NRG1: variants seen among roughly 807,000 people sequenced by gnomAD.
NRG1 encodes pro-neuregulin-1, membrane-bound isoform.
A neutral mutation model predicts 63.8 loss-of-function variants in NRG1; 18 were observed. The observed-to-expected ratio is 0.28, with a 90% CI of 0.19 to 0.42. NRG1 has a LOEUF of 0.42. Among genes scored for constraint, NRG1 ranks in the 10% least tolerant of loss-of-function variants. The pLI is 1.00. For missense variants in NRG1, 762 were observed against 814.7 expected (o/e 0.94, Z 0.79); for synonymous variants, 302 against 301.3 (o/e 1.00, Z -0.02).
chr8:31,809,115 A>T (rs1471486474), intron 1 of NRG1, among the ~76,000 whole-genome samples: 1 of 151,934 alleles, frequency 6.6e-6, no homozygotes, highest in Admixed American at 6.6e-5. Flanking sequence ...TAGAAATGGG[A>T]TATCTATACC....
At chr8:32,119,473 C>T (rs1442847500) in intron 1 of NRG1, among the ~76,000 whole-genome samples, 1 of 152,072 alleles carries the variant, frequency 6.6e-6, no homozygotes, top group Admixed American at 6.6e-5. Context: ...TCTTCTAAGT[C>T]AGTGTGGCAG....
chr8:32,334,950 G>A (rs563777013), intron 1 of NRG1, among the ~76,000 whole-genome samples: 2 of 152,202 alleles, frequency 1.3e-5, no homozygotes, highest in South Asian at 4.1e-4. Flanking sequence ...ACTTTCTTTG[G>A]TGGTCACTTT....
intron 5 of NRG1, among the ~76,000 whole-genome samples, chr8:32,723,265 T>TTCTTCC (rs948736980): frequency 2.4e-4 from 36 of 152,314 alleles, no homozygotes; most frequent in African/African-American, 8.7e-4. Flanking sequence ...AACTTCAGTG[T>TTCTTCC]TCATTTCAGT....
exon 1 of NRG1, chr8:32,548,774 G>T (rs1479355558): frequency 6.3e-7 from 1 of 1,590,888 alleles, no homozygotes; most frequent in Non-Finnish European, 8.5e-7. Context: ...GCAAGAAGAA[G>T]GAGCGAGGCT....
At position 32,201,060 on chromosome 8, in the gene NRG1, AACTT is replaced by A. The variant is rs1843455618; in HGVS notation, c.38-394763_38-394760del. The stretch of plus-strand genomic sequence containing the variant: ...GCCTTTCTTAGGTATATTTCAGGCC[AACTT>A]ACTTGTACCTTGTCCATACACTTGT... On this transcript the variant is annotated intron_variant, in intron 1 of 10. Transcript: ENST00000519301. 5.9e-5 allele frequency among the ~76,000 whole-genome samples: 9 copies of A among 152,252 alleles called. No individual in the cohort carries two copies. In the South Asian group the frequency reaches 1.9e-3, roughly 32 times the overall value.
At chr8:31,781,729 C>G (rs1443856207) in intron 1 of NRG1, among the ~76,000 whole-genome samples, 1 of 152,046 alleles carries the variant, frequency 6.6e-6, no homozygotes, top group Non-Finnish European at 1.5e-5. Context: ...TTATTTAACT[C>G]CAGTTTAGTA....
intron 1 of NRG1, among the ~76,000 whole-genome samples, chr8:31,722,653 A>G (rs1009392637): frequency 6.6e-6 from 1 of 152,054 alleles, no homozygotes; most frequent in Non-Finnish European, 1.5e-5. Context: ...TTATATATTG[A>G]CTCTCAAACA....
At chr8:32,586,927 G>T (rs1358661793) in intron 1 of NRG1, among the ~76,000 whole-genome samples, 1 of 152,164 alleles carries the variant, frequency 6.6e-6, no homozygotes, top group African/African-American at 2.4e-5. Context: ...GGCATAGGAG[G>T]TATGGTGGCT....
intron 1 of NRG1, among the ~76,000 whole-genome samples, chr8:32,303,097 A>C (rs1855769260): frequency 6.8e-6 from 1 of 147,456 alleles, no homozygotes; most frequent in East Asian, 2.1e-4. Flanking sequence ...CAGGAGAATC[A>C]CTTGAACCCG....
chr8:32,713,975 C>A (rs1229406520), intron 5 of NRG1, among the ~76,000 whole-genome samples: 2 of 151,930 alleles, frequency 1.3e-5, no homozygotes, highest in Non-Finnish European at 2.9e-5. Context: ...CAGGCACACA[C>A]CACCATGCCC....
intron 1 of NRG1, among the ~76,000 whole-genome samples, chr8:31,792,974 A>G (rs147093922): frequency 2.8e-3 from 421 of 152,342 alleles, no homozygotes; most frequent in South Asian, 0.017. Context: ...ATTCACAGGC[A>G]TCTGTCCACA....
intron 1 of NRG1, among the ~76,000 whole-genome samples, chr8:32,397,150 A>C (rs1009026470): frequency 6.6e-6 from 1 of 152,196 alleles, no homozygotes; most frequent in African/African-American, 2.4e-5. Flanking sequence ...ATAGATACAT[A>C]GATAGATAAT....
At chr8:32,688,417 C>G (rs1221801399) in intron 5 of NRG1, among the ~76,000 whole-genome samples, 2 of 152,066 alleles carry the variant, frequency 1.3e-5, no homozygotes, top group South Asian at 4.1e-4. Flanking sequence ...TCAAAAGCAG[C>G]TTTTTAAAAT....
At position 32,366,975 on chromosome 8, in the gene NRG1, G is replaced by A. The variant is rs1808148525; in HGVS notation, c.38-228853G>A. Among the ~76,000 whole-genome samples the A allele has an allele frequency of 7.2e-5, 11 of 152,074 alleles. No homozygotes were observed. In the South Asian group the frequency reaches 2.1e-3, roughly 29 times the overall value. On this transcript the variant is annotated intron_variant, in intron 1 of 10. Transcript: ENST00000519301. ...GATCTGCCTGCCTTGGCCTCCCAAA[G>A]TGCTGGGATTACAGGTGTGAGCCAC...
chr8:31,678,824 T>C (rs892988013), intron 1 of NRG1, among the ~76,000 whole-genome samples: 11 of 149,406 alleles, frequency 7.4e-5, no homozygotes, highest in Admixed American at 2.7e-4. Context: ...ATTTTAACTT[T>C]ATATTGATAT....
At chr8:31,897,939 C>T (rs1831720094) in intron 1 of NRG1, among the ~76,000 whole-genome samples, 1 of 150,648 alleles carries the variant, frequency 6.6e-6, no homozygotes, top group Admixed American at 6.6e-5. Flanking sequence ...ATCACTTGAA[C>T]CCCGGAGACA....
intron 1 of NRG1, among the ~76,000 whole-genome samples, chr8:32,178,904 C>T (rs549747224): frequency 5.7e-4 from 87 of 151,870 alleles, no homozygotes; most frequent in Middle Eastern, 6.8e-3. Flanking sequence ...AAAAAATCAC[C>T]GTTGTAGAAA....
At chr8:32,124,117 A>G (rs17620356) in intron 1 of NRG1, among the ~76,000 whole-genome samples, 2,138 of 152,104 alleles carry the variant, frequency 0.014, 28 homozygotes, top group South Asian at 0.059. Flanking sequence ...CATAAATGAC[A>G]TGTGACAACC....
At chr8:32,497,924 A>T (rs1202921498) in intron 1 of NRG1, among the ~76,000 whole-genome samples, 1 of 152,264 alleles carries the variant, frequency 6.6e-6, no homozygotes, top group Non-Finnish European at 1.5e-5. Flanking sequence ...CCCGGGTTCA[A>T]GTGATTCTCC....
Sources: gnomAD v4.1 joint callset for allele counts (sites outside exome capture counted in the v4.1 genomes callset) on GRCh38, gnomAD v4.1.1 for gene constraint, MANE v1.5 for transcripts, NCBI Gene and HGNC (gene_info 2026-07-23, HGNC 2026-07-21) for gene names.